The following PTPN5 variants were observed in gnomAD, a reference collection of about 807,000 sequenced individuals.
The protein encoded by PTPN5 is protein tyrosine phosphatase non-receptor type 5, also known as tyrosine-protein phosphatase non-receptor type 5.
In PTPN5, 29 loss-of-function variants were observed where a neutral mutation model predicts 73.9. The ratio of observed to expected loss-of-function variants is 0.39; its 90% CI spans 0.29 to 0.54. The LOEUF is 0.54. Ranked by LOEUF, PTPN5 falls within the 20% of genes least tolerant of loss-of-function variation. The probability of loss-of-function intolerance (pLI) is 0.65; values close to 1 mark genes in which losing one functional copy is unlikely to be tolerated. For synonymous variants in PTPN5, 267 were observed against 304.7 expected, an observed-to-expected ratio of 0.88 and a Z score of 1.29; for missense variants, 652 against 751.4, an observed-to-expected ratio of 0.87 and a Z score of 1.55.
chr11:18,758,760 G>T, intron 3 of PTPN5, among the ~76,000 whole-genome samples: 1 of 152,054 alleles, frequency 6.6e-6, no homozygotes, highest in South Asian at 2.1e-4. Flanking sequence ...AAAGGTAATG[G>T]CATCTGTCAC....
At chr11:18,753,067 CA>C (rs1266480136) in intron 3 of PTPN5, among the ~76,000 whole-genome samples, 2 of 152,248 alleles carry the variant, frequency 1.3e-5, no homozygotes, top group Non-Finnish European at 2.9e-5. Context: ...CTTGAGGCCC[CA>C]TGGCAGTGGA....
chr11:18,731,404 T>G (rs1590475492), intron 12 of PTPN5, among the ~76,000 whole-genome samples: 1 of 152,146 alleles, frequency 6.6e-6, no homozygotes, highest in East Asian at 1.9e-4. Context: ...GTGTTCACAG[T>G]ATCCAACCCA....
At position 18,742,889 on chromosome 11, in the gene PTPN5, C is replaced by A; in HGVS notation, c.483+103G>T. On this transcript the variant is annotated intron_variant, in intron 6 of 14. Coordinates refer to ENST00000358540, the MANE Select transcript of PTPN5 (RefSeq NM_006906.2). This position sits in a 1 kb window ranked among gnomAD's most constrained non-coding sequence, Gnocchi z 4.1. ...AAGAGATAGGTATCCCTCCTTGCCC[C>A]ACCCAGAATGTCCAGCCTATAAGTC... is the stretch of plus-strand genomic sequence containing the variant. 1 of 818,588 alleles carries A rather than the reference C, an allele frequency of 1.2e-6. No homozygotes were observed. The highest frequency in any genetic ancestry group is 2.0e-6 in the Non-Finnish European group (1 of 495,684). The allele number at this position is 818,588 out of a possible 1,614,324, so 50.7% of individuals were successfully genotyped here. A position where few individuals can be genotyped will look rare whatever the true frequency, so the allele number is the denominator to read the frequency against.
chr11:18,749,731 C>G (rs1281377556), intron 3 of PTPN5, among the ~76,000 whole-genome samples: 2 of 152,124 alleles, frequency 1.3e-5, no homozygotes, highest in African/African-American at 2.4e-5. Flanking sequence ...TCCTGTCACC[C>G]GGCTCCCAAA....
At chr11:18,730,104 T>C (rs1442199780) in intron 12 of PTPN5, 2 of 536,276 alleles carry the variant, frequency 3.7e-6, no homozygotes, top group Admixed American at 7.2e-5. Context: ...CCTTCTCCAA[T>C]TTATTACTAT....
Position 18,737,978 on chromosome 11 carries a change from A to G in PTPN5, c.916-14T>C. 3 of 1,610,560 alleles carry G rather than the reference A, an allele frequency of 1.9e-6. No individual in the cohort carries two copies. Among genetic ancestry groups the G allele is most frequent in the Non-Finnish European group, 2.5e-6 (3 of 1,176,716 alleles). ...CATGGGGATTTCCTGTGGAAGGAGG[A>G]CACGGGGTGTGAGCAGCTATGGGCC... On this transcript the variant is annotated splice_polypyrimidine_tract_variant and intron_variant, in intron 8 of 14. Transcript: ENST00000358540.
At chr11:18,761,108 AC>A (rs1411993795) in intron 3 of PTPN5, among the ~76,000 whole-genome samples, 1 of 152,228 alleles carries the variant, frequency 6.6e-6, no homozygotes, top group African/African-American at 2.4e-5. Context: ...GCAGTGCAGG[AC>A]TGAGCAGGGG....
At chr11:18,791,062 G>C (rs1288424636) in intron 1 of PTPN5, among the ~76,000 whole-genome samples, 1 of 152,160 alleles carries the variant, frequency 6.6e-6, no homozygotes, top group East Asian at 1.9e-4. Context: ...GGTGGGACGC[G>C]GGAGGCTAAA....
chr11:18,738,423 A>C (rs948600193), intron 8 of PTPN5, among the ~76,000 whole-genome samples: 2 of 152,170 alleles, frequency 1.3e-5, no homozygotes, highest in Admixed American at 6.5e-5. Context: ...GAAGGAGAGA[A>C]GCCTCTTTCT....
At chr11:18,780,894 T>C (rs1851388900) in intron 1 of PTPN5, among the ~76,000 whole-genome samples, 1 of 151,564 alleles carries the variant, frequency 6.6e-6, no homozygotes. Context: ...AAAGACCAAG[T>C]GGGAGAAAAA....
At chr11:18,770,517 C>CAGT (rs1850835196) in intron 2 of PTPN5, among the ~76,000 whole-genome samples, 1 of 152,226 alleles carries the variant, frequency 6.6e-6, no homozygotes, top group African/African-American at 2.4e-5. Flanking sequence ...TACTGTAGGA[C>CAGT]AGACGATGTT....
In PTPN5 at chr11:18,728,701, G is replaced by A. The variant is rs1339695988; in HGVS notation, c.*233C>T. On this transcript the variant is annotated 3_prime_UTR_variant, in exon 15 of 15. Coordinates refer to ENST00000358540, the MANE Select transcript of PTPN5 (RefSeq NM_006906.2). The surrounding 1 kb of genome is among the most constrained non-coding windows in gnomAD (Gnocchi z 4.1). ...CTGCGTGGTGTGGGTCAGGCCCCGGGGCCCCAGGCCTGGCCTGGCATGTCC... is the reference window on the plus strand; with the variant it reads ...CTGCGTGGTGTGGGTCAGGCCCCGGAGCCCCAGGCCTGGCCTGGCATGTCC... 6.3e-6 allele frequency: 3 copies of A among 475,376 alleles called. No individual in the cohort carries two copies. Among genetic ancestry groups the A allele is most frequent in the Non-Finnish European group, 1.1e-5 (3 of 270,522 alleles). 29.4% of individuals were successfully genotyped at this position (475,376 alleles called of 1,614,324 possible).
chr11:18,742,537 C>T lies in PTPN5; in HGVS notation c.484-34G>A. On this transcript the variant is annotated intron_variant, in intron 6 of 14. Transcript: ENST00000358540. The surrounding 1 kb of genome is among the most constrained non-coding windows in gnomAD (Gnocchi z 4.1). ...GGTGTACAGCATCACAGATTTCGGA[C>T]CACGCTGGCTGCCCCCCGTGTTCCT... The T allele has an allele frequency of 1.2e-6, 2 of 1,606,088 alleles. No individual in the cohort carries two copies. Among genetic ancestry groups the T allele is most frequent in the Non-Finnish European group, 1.7e-6 (2 of 1,177,576 alleles).
At position 18,729,534 on chromosome 11, in the gene PTPN5, G is replaced by A. The variant is rs753363624; in HGVS notation, c.1523C>T (p.Ala508Val). 6.3e-7 allele frequency: 1 copy of A among 1,599,492 alleles called. No homozygotes were observed. The highest frequency in any genetic ancestry group is 8.5e-7 in the Non-Finnish European group (1 of 1,175,336). Residue 508 changes from alanine to valine, a missense_variant, in exon 14 of 15, where the codon GCC becomes GTC. This residue lies in a region of PTPN5 where 102 missense variants were observed against 160.5 expected (regional missense o/e 0.64). Coordinates refer to ENST00000358540, the MANE Select transcript of PTPN5 (RefSeq NM_006906.2). The surrounding 1 kb of genome is among the most constrained non-coding windows in gnomAD (Gnocchi z 5.2). ...AGIGRTGCFI[A>V]TSICCQQLRQ... ...CAGCTGCTGGCAGCAGATGCTGGTGGCAATGAAGCAGCCGGTCCTCCCAAT... is the reference window on the plus strand; with the variant it reads ...CAGCTGCTGGCAGCAGATGCTGGTGACAATGAAGCAGCCGGTCCTCCCAAT...
intron 3 of PTPN5, among the ~76,000 whole-genome samples, chr11:18,764,227 T>C (rs1850528951): frequency 6.6e-6 from 1 of 152,234 alleles, no homozygotes; most frequent in Non-Finnish European, 1.5e-5. Flanking sequence ...GGACCACTTT[T>C]AGAGTCAGAG....
intron 3 of PTPN5, among the ~76,000 whole-genome samples, chr11:18,748,071 T>G (rs1369264415): frequency 6.6e-6 from 1 of 152,224 alleles, no homozygotes; most frequent in African/African-American, 2.4e-5. Context: ...CATGTATTTC[T>G]AGTGAGAAAA....
intron 1 of PTPN5, 95 bp from the exon 2 acceptor site, chr11:18,772,166 T>C (rs1415179543): frequency 3.7e-6 from 2 of 534,640 alleles, no homozygotes; most frequent in Non-Finnish European, 6.4e-6. Flanking sequence ...CCTGATTTCC[T>C]TCTGGGAGTC....
chr11:18,746,484 G>A lies in PTPN5; in HGVS notation c.98-2285C>T, dbSNP rs550674727. Among the ~76,000 whole-genome samples, 8 of 152,054 alleles carry A rather than the reference G, an allele frequency of 5.3e-5. No homozygotes were observed. The East Asian group carries it at 5.8e-4, about 11-fold the overall frequency. ...TGGGATTACAGGTGTGAGCCACTGC[G>A]CCCGGCAGCTGTTATAAATATTTTA... On this transcript the variant is annotated intron_variant, in intron 3 of 14. Coordinates refer to ENST00000358540, the MANE Select transcript of PTPN5 (RefSeq NM_006906.2).
At chr11:18,732,365 C>T (rs1848919061) in intron 12 of PTPN5, among the ~76,000 whole-genome samples, 1 of 152,150 alleles carries the variant, frequency 6.6e-6, no homozygotes, top group Non-Finnish European at 1.5e-5. Flanking sequence ...AGAGAGAGCC[C>T]AACAGCATGA....
Sources: allele counts gnomAD v4.1 joint callset (sites outside exome capture counted in the v4.1 genomes callset), GRCh38; gene constraint gnomAD v4.1.1; regional missense constraint gnomAD v4.1.1; non-coding constraint Gnocchi (gnomAD v3.1); transcripts MANE v1.5; gene names NCBI Gene and HGNC (gene_info 2026-07-23, HGNC 2026-07-21).